The following TRAPPC14 variants were observed in gnomAD, a reference collection of about 807,000 sequenced individuals.
The protein encoded by TRAPPC14 is trafficking protein particle complex subunit 14, also known as microtubule associated protein 11.
TRAPPC14 carries 24 observed loss-of-function variants against 56.6 expected under a neutral mutation model. The observed-to-expected ratio is 0.42, with a 90% confidence interval of 0.31 to 0.60. TRAPPC14 has a LOEUF of 0.60. Ranked by LOEUF, TRAPPC14 falls within the 20% of genes least tolerant of loss-of-function variation. TRAPPC14 has a pLI of 0.14. For missense variants in TRAPPC14, 615 were observed against 790.3 expected (o/e 0.78, Z 2.66); for synonymous variants, 377 against 347.0 (o/e 1.09, Z -0.96).
At position 100,155,114 on chromosome 7, in the gene TRAPPC14, G is replaced by C; in HGVS notation, c.1640C>G (p.Pro547Arg). The C allele has an allele frequency of 6.2e-7, 1 of 1,613,726 alleles. No homozygotes were observed. The highest frequency in any genetic ancestry group is 8.5e-7 in the Non-Finnish European group (1 of 1,179,694). ...GGGCAGGTAGAGGGGGCGGCCAACA[G>C]GAGAGGCCACAGGGGGCGTGATGGC... is the stretch of plus-strand genomic sequence containing the variant. ...RRAITPPVAS[P>R]VGRPLYLPPD... Residue 547 changes from proline to arginine, a missense_variant, in exon 11 of 11, where the codon CCT (proline) becomes CGT (arginine). Physicochemically the swap from Pro to Arg is moderately radical, Grantham distance 103. Transcript: ENST00000316937.
In TRAPPC14 at chr7:100,158,540, G is replaced by A; in HGVS notation, c.-41C>T. The A allele has an allele frequency of 7.7e-7, 1 of 1,301,940 alleles. No individual in the cohort carries two copies. The allele number at this position is 1,301,940 out of a possible 1,614,324, so 80.6% of individuals were successfully genotyped here. A position where few individuals can be genotyped will look rare whatever the true frequency, so the allele number is the denominator to read the frequency against. The stretch of plus-strand genomic sequence containing the variant: ...GCGCGACTGGGAGCCCGGACCGGAG[G>A]CCGACCGCCGGCGGGGCCCGCTAGG... On this transcript the variant is annotated 5_prime_UTR_variant, in exon 1 of 11. Coordinates refer to ENST00000316937, the MANE Select transcript of TRAPPC14 (RefSeq NM_018275.5).
At position 100,157,180 on chromosome 7, in the gene TRAPPC14, G is replaced by C; in HGVS notation, c.759C>G (p.Ile253Met). 6.2e-7 allele frequency: 1 copy of C among 1,614,202 alleles called. No homozygotes were observed. The highest frequency in any genetic ancestry group is 8.5e-7 in the Non-Finnish European group (1 of 1,180,044). Residue 253 changes from isoleucine to methionine, a missense_variant, in exon 5 of 11, where the codon ATC becomes ATG. Ile to Met is a conservative substitution (Grantham distance 10). Coordinates refer to ENST00000316937, the MANE Select transcript of TRAPPC14 (RefSeq NM_018275.5). ...AGTTGGGGAGGATTCGGATATCCCA[G>C]ATGGAGATTTCCTCCTGAGAGGAGC... The part of the protein sequence containing the change: ...LNSSSQEEIS[I>M]WDIRILPNFN...
chr7:100,156,652 C>A lies in TRAPPC14; in HGVS notation c.1058G>T (p.Ser353Ile). 6.2e-7 allele frequency: 1 copy of A among 1,606,796 alleles called. No homozygotes were observed. Among genetic ancestry groups the A allele is most frequent in the Non-Finnish European group, 8.5e-7 (1 of 1,176,102 alleles). The change falls in exon 7 of 11, where the codon AGC becomes ATC. Residue 353 changes from serine (S) to isoleucine (I), a missense_variant. Physicochemically the swap from Ser to Ile is moderately radical, Grantham distance 142. Coordinates refer to ENST00000316937, the MANE Select transcript of TRAPPC14 (RefSeq NM_018275.5). ...WSTPKLPFTQ[S>I]IYTHYRLPSV... ...CACTCACCGGTAGTGGGTGTAGATG[C>A]TCTGAGTGAAGGGCAGCTTTGGGGT...
chr7:100,155,395 C>T lies in TRAPPC14; in HGVS notation c.1456G>A (p.Glu486Lys), dbSNP rs758756246. The change falls in exon 10 of 11, where the codon GAG becomes AAG. Residue 486 changes from glutamate to lysine, a missense_variant. Physicochemically the swap from Glu to Lys is moderately conservative, Grantham distance 56. Transcript: ENST00000316937. ...CTCTTGCGGGAGAGGGGCCGGGCCTCGGGTGGAGGGTGGGACACGCTGGCG... is the reference window on the plus strand; with the variant it reads ...CTCTTGCGGGAGAGGGGCCGGGCCTTGGGTGGAGGGTGGGACACGCTGGCG... Reference protein sequence around the residue: ...FTASVSHPPPEARPLSRKSSP... With the variant: ...FTASVSHPPPKARPLSRKSSP... The T allele has an allele frequency of 7.1e-6, 11 of 1,547,312 alleles. No homozygotes were observed. The highest frequency in any genetic ancestry group is 1.2e-5 in the South Asian group (1 of 83,922).
chr7:100,158,285 C>A lies in TRAPPC14; in HGVS notation c.215G>T (p.Trp72Leu). ...GGPGLGSRGA[W>L]AELATALAAL... ...GGCCAGGGCGGTTGCCAGTTCTGCCCAGGCTCCTCTGGAGCCCAAGCCCGG... is the reference window on the plus strand; with the variant it reads ...GGCCAGGGCGGTTGCCAGTTCTGCCAAGGCTCCTCTGGAGCCCAAGCCCGG... Residue 72 changes from tryptophan (W) to leucine (L), a missense_variant, in exon 1 of 11, where the codon TGG becomes TTG. Transcript: ENST00000316937. The A allele has an allele frequency of 6.7e-7, 1 of 1,488,128 alleles. No individual in the cohort carries two copies. Among genetic ancestry groups the A allele is most frequent in the Admixed American group, 2.3e-5 (1 of 43,558 alleles). 92.2% of individuals were successfully genotyped at this position (1,488,128 alleles called of 1,614,324 possible). A position where few individuals can be genotyped will look rare whatever the true frequency, so the allele number is the denominator to read the frequency against.
chr7:100,155,965 A>G (rs1015003837), intron 8 of TRAPPC14, 140 bp from the exon 9 acceptor site: 7 of 1,097,394 alleles, frequency 6.4e-6, no homozygotes, highest in Non-Finnish European at 9.8e-6. Flanking sequence ...CATGTTGTAG[A>G]TAACAACAGC....
Position 100,156,665 on chromosome 7 carries a change from G to C in TRAPPC14, c.1045C>G (p.Pro349Ala), listed in dbSNP as rs1350257856. 20 of 1,610,572 alleles carry C rather than the reference G, an allele frequency of 1.2e-5. No individual in the cohort carries two copies. Among genetic ancestry groups the C allele is most frequent in the Non-Finnish European group, 1.7e-5 (20 of 1,178,402 alleles). ...TGGGTGTAGATGCTCTGAGTGAAGGGCAGCTTTGGGGTAGACCACTGAACC... is the reference window on the plus strand; with the variant it reads ...TGGGTGTAGATGCTCTGAGTGAAGGCCAGCTTTGGGGTAGACCACTGAACC... ...AVVQWSTPKL[P>A]FTQSIYTHYR... is the part of the protein sequence containing the mutation. The change falls in exon 7 of 11, where the codon CCC (proline) becomes GCC (alanine). Residue 349 changes from proline to alanine, a missense_variant. Transcript: ENST00000316937.
chr7:100,157,527 C>G, intron 3 of TRAPPC14, 68 bp from the exon 4 acceptor site: 20 of 1,606,800 alleles, frequency 1.2e-5, no homozygotes, highest in Non-Finnish European at 1.7e-5. Flanking sequence ...CCAGAATTCT[C>G]ACCTTCCTCT....
rs1371514613 is a variant in TRAPPC14, at chr7:100,157,364, C to T, written c.724+9G>A. ...GCTCCCGGAGGCTGGAGCCGGCAGC[C>T]CTGCTTACCCTTGAGCACGGTCAAG... On this transcript the variant is annotated intron_variant, in intron 4 of 10. Transcript: ENST00000316937. 2 of 1,614,022 alleles carry T rather than the reference C, an allele frequency of 1.2e-6. No individual in the cohort carries two copies. Among genetic ancestry groups the T allele is most frequent in the South Asian group, 2.2e-5 (2 of 91,070 alleles).
At position 100,157,537 on chromosome 7, in the gene TRAPPC14, T is replaced by C. The variant is rs796834619; in HGVS notation, c.638-78A>G. ...CCAACCCAGAATTCTCACCTTCCTC[T>C]TCTCAGAGCCCATTAGCCACTTTCC... On this transcript the variant is annotated intron_variant, in intron 3 of 10. Coordinates refer to ENST00000316937, the MANE Select transcript of TRAPPC14 (RefSeq NM_018275.5). 1.9e-4 allele frequency: 312 copies of C among 1,606,522 alleles called. No individual in the cohort carries two copies. In the African/African-American group the frequency reaches 3.8e-3, roughly 19 times the overall value.
rs1447669353 is a variant in TRAPPC14, at chr7:100,157,628, C to G, written c.637+5G>C. ...AGCCCTTTGCCTCTGCGCTGCCCTG[C>G]CCACCTTGGGCCTTGAAAGCGCTCT... On this transcript the variant is annotated splice_donor_5th_base_variant and intron_variant, in intron 3 of 10. Transcript: ENST00000316937. 1 of 1,613,966 alleles carries G rather than the reference C, an allele frequency of 6.2e-7. No homozygotes were observed. The highest frequency in any genetic ancestry group is 2.2e-5 in the East Asian group (1 of 44,902).
At chr7:100,157,982 G>A (rs1158467349) in intron 1 of TRAPPC14, 44 bp from the exon 2 acceptor site, 7 of 1,486,586 alleles carry the variant, frequency 4.7e-6, no homozygotes, top group Non-Finnish European at 6.3e-6. Context: ...CAAGTCAGAG[G>A]CAGCCTGCAG....
chr7:100,157,211 A>T lies in TRAPPC14; in HGVS notation c.728T>A (p.Leu243Gln). 6.2e-7 allele frequency: 1 copy of T among 1,614,196 alleles called. No individual in the cohort carries two copies. The highest frequency in any genetic ancestry group is 8.5e-7 in the Non-Finnish European group (1 of 1,180,044). Residue 243 changes from leucine (L) to glutamine (Q), a missense_variant, in exon 5 of 11, where the codon CTG (leucine) becomes CAG (glutamine). Physicochemically the swap from Leu to Gln is moderately radical, Grantham distance 113. Coordinates refer to ENST00000316937, the MANE Select transcript of TRAPPC14 (RefSeq NM_018275.5). ...GATTTCCTCCTGAGAGGAGCTGTTC[A>T]GCACTGTGGGAGAGGACCAGCTTGG... ...AGKHLTVLKV[L>Q]NSSSQEEISI...
At position 100,155,392 on chromosome 7, in the gene TRAPPC14, C is replaced by A. The variant is rs1473003655; in HGVS notation, c.1459G>T (p.Ala487Ser). ...TASVSHPPPE[A>S]RPLSRKSSPS... is the part of the protein sequence containing the mutation. ...CTGCTCTTGCGGGAGAGGGGCCGGG[C>A]CTCGGGTGGAGGGTGGGACACGCTG... Residue 487 changes from alanine to serine, a missense_variant, in exon 10 of 11, where the codon GCC (alanine) becomes TCC (serine). Transcript: ENST00000316937. 6.5e-7 allele frequency: 1 copy of A among 1,547,542 alleles called. No homozygotes were observed. Among genetic ancestry groups the A allele is most frequent in the East Asian group, 2.4e-5 (1 of 40,970 alleles).
chr7:100,158,086 C>T lies in TRAPPC14; in HGVS notation c.411+3G>A, dbSNP rs755955402. 11 of 1,481,384 alleles carry T rather than the reference C, an allele frequency of 7.4e-6. No individual in the cohort carries two copies. Among genetic ancestry groups the T allele is most frequent in the Non-Finnish European group, 9.9e-6 (11 of 1,115,804 alleles). The allele number at this position is 1,481,384 out of a possible 1,614,324, so 91.8% of individuals were successfully genotyped here. A position where few individuals can be genotyped will look rare whatever the true frequency, so the allele number is the denominator to read the frequency against. On this transcript the variant is annotated splice_donor_region_variant and intron_variant, in intron 1 of 10. Transcript: ENST00000316937. ...CTGTGCCAGGTCCCCCAAAGCTCCT[C>T]ACCGTGGTCGCTCCCCCTGAGGTAG...
intron 5 of TRAPPC14, 28 bp downstream of exon 5, chr7:100,157,066 C>A: frequency 6.2e-7 from 1 of 1,614,008 alleles, no homozygotes. Flanking sequence ...CCCACCACTT[C>A]ACAGCCTCGC....
Position 100,157,215 on chromosome 7 carries a change from C to T in TRAPPC14, c.725-1G>A. 1 of 1,614,138 alleles carries T rather than the reference C, an allele frequency of 6.2e-7. No homozygotes were observed. The highest frequency in any genetic ancestry group is 8.5e-7 in the Non-Finnish European group (1 of 1,180,028). On this transcript the variant is annotated splice_acceptor_variant, in intron 4 of 10. Coordinates refer to ENST00000316937, the MANE Select transcript of TRAPPC14 (RefSeq NM_018275.5). LOFTEE classifies it high-confidence loss of function. ...TCCTCCTGAGAGGAGCTGTTCAGCA[C>T]TGTGGGAGAGGACCAGCTTGGCTCA...
Position 100,157,654 on chromosome 7 carries a change from G to C in TRAPPC14, c.616C>G (p.Gln206Glu). 6.2e-7 allele frequency: 1 copy of C among 1,614,166 alleles called. No individual in the cohort carries two copies. Among genetic ancestry groups the C allele is most frequent in the Non-Finnish European group, 8.5e-7 (1 of 1,180,034 alleles). Residue 206 changes from glutamine (Q) to glutamate (E), a missense_variant, in exon 3 of 11, where the codon CAG becomes GAG. Transcript: ENST00000316937. ...RSPGETFRGE[Q>E]SAFKAQVSTL... Reference sequence around the variant, plus strand: ...CCACCTTGGGCCTTGAAAGCGCTCTGCTCGCCCCGGAATGTCTCCCCAGGA... The same window carrying C: ...CCACCTTGGGCCTTGAAAGCGCTCTCCTCGCCCCGGAATGTCTCCCCAGGA...
rs1202679519 is a variant in TRAPPC14, at chr7:100,156,996, G to C, written c.846-4C>G. The C allele has an allele frequency of 6.2e-7, 1 of 1,614,028 alleles. No individual in the cohort carries two copies. Among genetic ancestry groups the C allele is most frequent in the Non-Finnish European group, 8.5e-7 (1 of 1,179,984 alleles). ...GGAGACTTCCCCAGACTGGTGACTAGCTCAGAAAAGAGGACAAGGCATGGT... is the reference window on the plus strand; with the variant it reads ...GGAGACTTCCCCAGACTGGTGACTACCTCAGAAAAGAGGACAAGGCATGGT... On this transcript the variant is annotated splice_polypyrimidine_tract_variant and splice_region_variant and intron_variant, in intron 5 of 10. Coordinates refer to ENST00000316937, the MANE Select transcript of TRAPPC14 (RefSeq NM_018275.5).
Sources: allele counts gnomAD v4.1 joint callset, GRCh38; gene constraint gnomAD v4.1.1; transcripts MANE v1.5; gene names NCBI Gene and HGNC (gene_info 2026-07-23, HGNC 2026-07-21).